TNPO3: variants seen among roughly 807,000 people sequenced by gnomAD.
TNPO3 encodes the protein transportin 3, also known as transportin-3.
In TNPO3, 65 loss-of-function variants were observed where a neutral mutation model predicts 122.8. The observed-to-expected ratio is 0.53, with a 90% CI of 0.43 to 0.65. The LOEUF is 0.65. TNPO3 is among the 30% of genes least tolerant of loss of function. The probability of loss-of-function intolerance (pLI) is 0.00; values close to 1 mark genes in which losing one functional copy is unlikely to be tolerated. For synonymous variants in TNPO3, 372 were observed against 411.2 expected (o/e 0.90, Z 1.15); for missense variants, 850 against 1,136.7 (o/e 0.75, Z 3.63).
At chr7:128,985,064 G>C (rs898281349) in intron 12 of TNPO3, among the ~76,000 whole-genome samples, 1 of 151,980 alleles carries the variant, frequency 6.6e-6, no homozygotes, top group Non-Finnish European at 1.5e-5. Flanking sequence ...ATTAGCCTAG[G>C]TCCCTTCTAG....
chr7:129,037,038 T>A (rs1210093494), intron 1 of TNPO3, among the ~76,000 whole-genome samples: 1 of 152,020 alleles, frequency 6.6e-6, no homozygotes, highest in African/African-American at 2.4e-5. Context: ...ATAATTGAAA[T>A]CCTAGCAGGA....
At chr7:129,024,976 G>A (rs930283963) in intron 1 of TNPO3, among the ~76,000 whole-genome samples, 2 of 151,722 alleles carry the variant, frequency 1.3e-5, no homozygotes, top group African/African-American at 2.4e-5. Context: ...CTCCAGCCTG[G>A]GCTACAGAGT....
At chr7:129,019,822 G>A (rs942492222) in intron 1 of TNPO3, among the ~76,000 whole-genome samples, 2 of 151,898 alleles carry the variant, frequency 1.3e-5, no homozygotes, top group South Asian at 2.1e-4. Context: ...GGTGAAACCC[G>A]GTCTGTACTA....
Position 128,972,441 on chromosome 7 carries a change from T to G in TNPO3, c.2415A>C (p.Thr805=), listed in dbSNP as rs1175231673. ...VMRFLRDLIH[T]GVANDHEEDF... is the part of the protein sequence containing the mutation. ...TTATACTTACATCATTGGCTACCCC[T>G]GTATGAATGAGGTCTCGTAGAAACC... The change falls in exon 19 of 23, where the codon ACA becomes ACC. Residue 805 remains threonine, a synonymous_variant. Transcript: ENST00000265388. The G allele has an allele frequency of 6.2e-7, 1 of 1,613,384 alleles. No individual in the cohort carries two copies. The highest frequency in any genetic ancestry group is 8.5e-7 in the Non-Finnish European group (1 of 1,179,802).
At chr7:128,999,297 T>C (rs1156931773) in intron 7 of TNPO3, among the ~76,000 whole-genome samples, 1 of 152,196 alleles carries the variant, frequency 6.6e-6, no homozygotes. Flanking sequence ...TTTCCTTGAG[T>C]GTGAGAGAAA....
At chr7:128,969,288 A>G (rs893790554) in intron 20 of TNPO3, among the ~76,000 whole-genome samples, 3 of 152,186 alleles carry the variant, frequency 2.0e-5, no homozygotes, top group African/African-American at 7.2e-5. Context: ...AGGCTCAAAA[A>G]GTACTTTTCT....
chr7:128,964,456 C>T (rs1797752667), intron 21 of TNPO3, among the ~76,000 whole-genome samples: 1 of 151,910 alleles, frequency 6.6e-6, no homozygotes, highest in Non-Finnish European at 1.5e-5. Flanking sequence ...CTGCCTCAGC[C>T]TCCAGAGTAG....
At chr7:129,037,555 T>C (rs1806833709) in intron 1 of TNPO3, among the ~76,000 whole-genome samples, 1 of 152,080 alleles carries the variant, frequency 6.6e-6, no homozygotes, top group Admixed American at 6.6e-5. Context: ...GCAGATCACC[T>C]TCGCAGACCA....
intron 1 of TNPO3, among the ~76,000 whole-genome samples, chr7:129,036,197 C>T (rs952783198): frequency 1.3e-5 from 2 of 151,990 alleles, no homozygotes; most frequent in Non-Finnish European, 2.9e-5. Flanking sequence ...TCATGATCCG[C>T]CCACCTCGGC....
upstream of TNPO3, chr7:129,055,442 T>A (rs532678398): frequency 1.3e-5 from 2 of 156,780 alleles, no homozygotes; most frequent in Non-Finnish European, 2.8e-5. Context: ...CAACTCTCCC[T>A]AGAGTGGCCA....
At chr7:129,009,045 T>C (rs1584569569) in intron 4 of TNPO3, among the ~76,000 whole-genome samples, 1 of 152,224 alleles carries the variant, frequency 6.6e-6, no homozygotes, top group East Asian at 1.9e-4. Context: ...TTGAGAGCTA[T>C]GCTATGTTAA....
Position 128,967,307 on chromosome 7 carries a change from A to C in TNPO3, c.2684T>G (p.Leu895Arg). Residue 895 changes from leucine (L) to arginine (R), a missense_variant, in exon 21 of 23, where the codon CTT (leucine) becomes CGT (arginine). Physicochemically the swap from Leu to Arg is moderately radical, Grantham distance 102 (BLOSUM62 -2). Coordinates refer to ENST00000265388, the MANE Select transcript of TNPO3 (RefSeq NM_012470.4). Reference sequence around the variant, plus strand: ...AGTGACTTGCTTGTGGAAGTCTGTAAGTTGTTTGTGTGTCACTGTGACGGC... The same window carrying C: ...AGTGACTTGCTTGTGGAAGTCTGTACGTTGTTTGTGTGTCACTGTGACGGC... ...VGAVTVTHKQ[L>R]TDFHKQVTSA... 1 of 1,613,612 alleles carries C rather than the reference A, an allele frequency of 6.2e-7. No individual in the cohort carries two copies. The highest frequency in any genetic ancestry group is 8.5e-7 in the Non-Finnish European group (1 of 1,179,502).
intron 1 of TNPO3, among the ~76,000 whole-genome samples, chr7:129,037,241 C>T (rs531464169): frequency 6.6e-5 from 10 of 152,224 alleles, no homozygotes; most frequent in Admixed American, 6.5e-4. Context: ...TACTGCTTTC[C>T]GTAAGTTAAC....
intron 1 of TNPO3, among the ~76,000 whole-genome samples, chr7:129,027,592 C>CAAAA: frequency 1.6e-5 from 1 of 61,702 alleles, no homozygotes; most frequent in Non-Finnish European, 3.0e-5. Context: ...AAAAAAAAAA[C>CAAAA]AACACAAAAA....
At chr7:128,958,920 C>T (rs1020753513) in intron 21 of TNPO3, among the ~76,000 whole-genome samples, 1 of 152,142 alleles carries the variant, frequency 6.6e-6, no homozygotes, top group Non-Finnish European at 1.5e-5. Flanking sequence ...AGGAGGATAA[C>T]CTGAGCTGGG....
intron 1 of TNPO3, among the ~76,000 whole-genome samples, chr7:129,026,771 A>G (rs34381587): frequency 0.09 from 13,740 of 152,138 alleles, 862 homozygotes; most frequent in South Asian, 0.15. Flanking sequence ...CTTTATATAC[A>G]ATTTTTTAAA....
At chr7:128,995,463 G>A (rs1008830679) in intron 8 of TNPO3, among the ~76,000 whole-genome samples, 2 of 152,152 alleles carry the variant, frequency 1.3e-5, no homozygotes, top group African/African-American at 4.8e-5. Flanking sequence ...TTAAGGTGAA[G>A]GAATGAGGAG....
chr7:129,036,311 G>A (rs566358174), intron 1 of TNPO3, among the ~76,000 whole-genome samples: 1 of 152,038 alleles, frequency 6.6e-6, no homozygotes, highest in South Asian at 2.1e-4. Flanking sequence ...TGGCCTCCTG[G>A]GCTCAAGCAA....
At chr7:128,980,093 C>T in intron 14 of TNPO3, 62 bp from the exon 15 acceptor site, 2 of 1,412,004 alleles carry the variant, frequency 1.4e-6, no homozygotes, top group Non-Finnish European at 1.0e-6. Context: ...GACCCAGAGC[C>T]CTGATCCCTG....
Sources: allele counts gnomAD v4.1 joint callset (sites outside exome capture counted in the v4.1 genomes callset), GRCh38; gene constraint gnomAD v4.1.1; transcripts MANE v1.5; gene names NCBI Gene and HGNC (gene_info 2026-07-23, HGNC 2026-07-21).